TAPT1: variants seen among roughly 807,000 people sequenced by gnomAD.
TAPT1 encodes transmembrane anterior posterior transformation protein 1 homolog.
A neutral mutation model predicts 65.6 loss-of-function variants in TAPT1; 28 were observed. The observed-to-expected ratio is 0.43, with a 90% CI of 0.32 to 0.59. TAPT1 has a LOEUF of 0.59. TAPT1 is among the 20% of genes least tolerant of loss of function. The probability of loss-of-function intolerance (pLI) is 0.09; values close to 1 mark genes in which losing one functional copy is unlikely to be tolerated. For missense variants in TAPT1, 563 were observed against 679.9 expected, an observed-to-expected ratio of 0.83 and a Z score of 1.91; for synonymous variants, 278 against 245.2, an observed-to-expected ratio of 1.13 and a Z score of -1.25.
At chr4:16,174,167 A>T in intron 11 of TAPT1, 37 bp downstream of exon 11, 1 of 1,419,698 alleles carries the variant, frequency 7.0e-7, no homozygotes, top group Non-Finnish European at 9.7e-7. Context: ...AATGATGGCT[A>T]CTTTGTTACA....
chr4:16,221,152 C>G (rs139441259), intron 1 of TAPT1, among the ~76,000 whole-genome samples: 12 of 151,824 alleles, frequency 7.9e-5, no homozygotes, highest in African/African-American at 2.9e-4. Context: ...CTTGCTCTGT[C>G]ACCTGTTGCC....
intron 12 of TAPT1, among the ~76,000 whole-genome samples, chr4:16,168,530 T>G (rs1459617709): frequency 6.6e-6 from 1 of 152,212 alleles, no homozygotes; most frequent in Non-Finnish European, 1.5e-5. Flanking sequence ...CATGCCCTTC[T>G]GCTGAGCCTA....
intron 3 of TAPT1, among the ~76,000 whole-genome samples, chr4:16,201,780 T>G (rs1750046576): frequency 6.6e-6 from 1 of 152,164 alleles, no homozygotes; most frequent in South Asian, 2.1e-4. Flanking sequence ...CATCTTCCAA[T>G]CTTTGTGGTA....
chr4:16,166,547 C>G (rs769072034), intron 13 of TAPT1, 86 bp downstream of exon 13: 349 of 1,522,082 alleles, frequency 2.3e-4, no homozygotes, highest in Non-Finnish European at 3.0e-4. Flanking sequence ...GGAAACCAAT[C>G]TTTAAAGCGT....
At chr4:16,206,720 A>G (rs970263892) in intron 2 of TAPT1, among the ~76,000 whole-genome samples, 9 of 152,186 alleles carry the variant, frequency 5.9e-5, no homozygotes, top group Non-Finnish European at 1.3e-4. Context: ...AGGACAATGG[A>G]AAGACAGAGA....
intron 2 of TAPT1, among the ~76,000 whole-genome samples, chr4:16,211,574 C>G (rs532442147): frequency 6.6e-6 from 1 of 152,250 alleles, no homozygotes; most frequent in Non-Finnish European, 1.5e-5. Context: ...TTCTAAGAGA[C>G]TACATCAAAT....
At chr4:16,167,575 G>A (rs1015018279) in intron 12 of TAPT1, among the ~76,000 whole-genome samples, 2 of 152,160 alleles carry the variant, frequency 1.3e-5, no homozygotes, top group Non-Finnish European at 2.9e-5. Flanking sequence ...AGGAGGCAGA[G>A]CATGGACTCT....
At position 16,160,929 on chromosome 4, in the gene TAPT1, A is replaced by C. The variant is rs766816141; in HGVS notation, c.*2379T>G. 9.8e-5 allele frequency: 15 copies of C among 152,738 alleles called. No individual in the cohort carries two copies. The highest frequency in any genetic ancestry group is 3.3e-4 in the Admixed American group (5 of 15,312). 9.5% of individuals were successfully genotyped at this position (152,738 alleles called of 1,614,324 possible). On this transcript the variant is annotated 3_prime_UTR_variant, in exon 14 of 14. Transcript: ENST00000405303. Reference sequence around the variant, plus strand: ...CGTATCAGTGACACTTGGTCTTTACACTTATTCTAAAGGAAAACCTAATAA... The same window carrying C: ...CGTATCAGTGACACTTGGTCTTTACCCTTATTCTAAAGGAAAACCTAATAA...
chr4:16,176,054 C>T (rs1007486383), intron 9 of TAPT1, 65 bp downstream of exon 9: 35 of 783,108 alleles, frequency 4.5e-5, no homozygotes, highest in Non-Finnish European at 6.5e-5. Flanking sequence ...TATTATTCTA[C>T]AACTTTTAAA....
At chr4:16,182,154 T>C (rs1279517487) in intron 7 of TAPT1, among the ~76,000 whole-genome samples, 2 of 152,164 alleles carry the variant, frequency 1.3e-5, no homozygotes, top group Non-Finnish European at 2.9e-5. Flanking sequence ...ATAGACATTA[T>C]AAAATCAAGA....
chr4:16,211,247 GATATT>G (rs1419307443), intron 2 of TAPT1, among the ~76,000 whole-genome samples: 4 of 151,376 alleles, frequency 2.6e-5, no homozygotes, highest in South Asian at 2.1e-4. Flanking sequence ...AAATGAGTAA[GATATT>G]ATATATTAGA....
intron 12 of TAPT1, among the ~76,000 whole-genome samples, chr4:16,167,500 C>T (rs1411604946): frequency 6.6e-6 from 1 of 152,078 alleles, no homozygotes; most frequent in Admixed American, 6.5e-5. Flanking sequence ...CTGAGTACAC[C>T]TCTATTTGTA....
At chr4:16,226,507 C>G (rs1751577313), upstream of TAPT1, 1 of 1,014,922 alleles carries the variant, frequency 9.9e-7, no homozygotes, top group African/African-American at 1.7e-5. Context: ...GCCTCTGCCT[C>G]CGGCCGGCCC....
Position 16,206,780 on chromosome 4 carries a change from T to C in TAPT1, c.331-4200A>G, listed in dbSNP as rs374700569. Among the ~76,000 whole-genome samples, 64 of 152,280 alleles carry C rather than the reference T, an allele frequency of 4.2e-4. No homozygotes were observed. In the East Asian group the frequency reaches 0.011, roughly 26 times the overall value. On this transcript the variant is annotated intron_variant, in intron 2 of 13. Transcript: ENST00000405303. ...AGCTGAAATGAGAGAAATAAGTGAT[T>C]GATTCACAAAGATAAACATGGCCCC...
chr4:16,180,612 A>G (rs1379417767), intron 7 of TAPT1, among the ~76,000 whole-genome samples: 1 of 152,102 alleles, frequency 6.6e-6, no homozygotes, highest in East Asian at 1.9e-4. Context: ...GATGTACTTC[A>G]TGGGACTGTC....
At chr4:16,218,206 C>T (rs1417739231) in intron 1 of TAPT1, among the ~76,000 whole-genome samples, 1 of 152,100 alleles carries the variant, frequency 6.6e-6, no homozygotes, top group Admixed American at 6.5e-5. Context: ...GAGTTTGAGA[C>T]CAGCCTGTCC....
At chr4:16,195,526 C>T (rs1410101160) in intron 3 of TAPT1, among the ~76,000 whole-genome samples, 1 of 152,218 alleles carries the variant, frequency 6.6e-6, no homozygotes, top group Non-Finnish European at 1.5e-5. Flanking sequence ...AAAACTTAAA[C>T]ATTTTTCAAC....
At position 16,203,512 on chromosome 4, in the gene TAPT1, G is replaced by A. The variant is rs536089777; in HGVS notation, c.331-932C>T. On this transcript the variant is annotated intron_variant, in intron 2 of 13. Transcript: ENST00000405303. ...TAGAATGTAACCGTGCTTGGACATA[G>A]GGTCTTTAAAGAGGTAATTTAAGTT... Among the ~76,000 whole-genome samples, 14 of 152,272 alleles carry A rather than the reference G, an allele frequency of 9.2e-5. No individual in the cohort carries two copies. In the South Asian group the frequency reaches 2.1e-3, roughly 23 times the overall value.
chr4:16,223,622 C>A (rs1046024445), intron 1 of TAPT1, among the ~76,000 whole-genome samples: 2 of 152,084 alleles, frequency 1.3e-5, no homozygotes, highest in Non-Finnish European at 2.9e-5. Context: ...TAAGTCAGAA[C>A]GGGAGTTCTG....
Sources: allele counts gnomAD v4.1 joint callset (sites outside exome capture counted in the v4.1 genomes callset), GRCh38; gene constraint gnomAD v4.1.1; transcripts MANE v1.5; gene names NCBI Gene and HGNC (gene_info 2026-07-23, HGNC 2026-07-21).